Variants in MAK observed in about 807,000 individuals in gnomAD.
MAK encodes male germ cell associated kinase, also known as serine/threonine-protein kinase MAK.
In MAK, 65 loss-of-function variants were observed where a neutral mutation model predicts 82.6. That is an observed-to-expected ratio of 0.79 (90% confidence interval 0.64 to 0.97). MAK has a LOEUF of 0.97. Ranked by LOEUF, MAK falls within the 50% of genes least tolerant of loss-of-function variation. The probability of loss-of-function intolerance (pLI) is 0.00; values close to 1 mark genes in which losing one functional copy is unlikely to be tolerated. For synonymous variants in MAK, 250 were observed against 274.2 expected, an observed-to-expected ratio of 0.91 and a Z score of 0.87; for missense variants, 703 against 780.2, an observed-to-expected ratio of 0.90 and a Z score of 1.18.
intron 6 of MAK, 138 bp downstream of exon 6, chr6:10,808,672 G>C (rs1456643204): frequency 1.1e-6 from 1 of 890,138 alleles, no homozygotes; most frequent in Non-Finnish European, 1.8e-6. Flanking sequence ...CCAATCCTTC[G>C]CTTTCTTTAA....
chr6:10,810,439 A>AAGCGATTCTCCTGCG lies in MAK; in HGVS notation c.359-1498_359-1497insCGCAGGAGAATCGCT, dbSNP rs1371021106. 5.4e-5 allele frequency among the ~76,000 whole-genome samples: 8 copies of AAGCGATTCTCCTGCG among 147,884 alleles called. No homozygotes were observed. In the East Asian group the frequency reaches 1.6e-3, roughly 30 times the overall value. On this transcript the variant is annotated intron_variant, in intron 5 of 14. Coordinates refer to ENST00000354489, the MANE Select transcript of MAK (RefSeq NM_001242957.3). ...ATTGCAACCTCCGCCTCCTGGGTTC[A>AAGCGATTCTCCTGCG]AGCGATTCTCCTGCCTCAGCCTCTG...
At chr6:10,767,853 G>A (rs960887235) in intron 14 of MAK, among the ~76,000 whole-genome samples, 8 of 151,500 alleles carry the variant, frequency 5.3e-5, no homozygotes, top group Non-Finnish European at 1.2e-4. Context: ...GAGCAAAGAC[G>A]AGACTATGCA....
chr6:10,766,882 A>G (rs1772488575), intron 14 of MAK, among the ~76,000 whole-genome samples: 1 of 148,234 alleles, frequency 6.7e-6, no homozygotes, highest in African/African-American at 2.7e-5. Context: ...AATTGTGTCC[A>G]GGACAATATT....
At chr6:10,789,868 C>T (rs1202149125) in intron 10 of MAK, among the ~76,000 whole-genome samples, 5 of 152,138 alleles carry the variant, frequency 3.3e-5, no homozygotes, top group Non-Finnish European at 5.9e-5. Flanking sequence ...GTTGGCCAGG[C>T]TGGTCTCAAT....
At chr6:10,780,885 T>C (rs953092660) in intron 11 of MAK, among the ~76,000 whole-genome samples, 1 of 151,998 alleles carries the variant, frequency 6.6e-6, no homozygotes, top group Non-Finnish European at 1.5e-5. Flanking sequence ...TTTTTCTTTT[T>C]CTCTCTCTCT....
Position 10,784,563 on chromosome 6 carries a change from C to T in MAK, c.1326G>A (p.Glu442=). 1 of 1,613,982 alleles carries T rather than the reference C, an allele frequency of 6.2e-7. No individual in the cohort carries two copies. Among genetic ancestry groups the T allele is most frequent in the Non-Finnish European group, 8.5e-7 (1 of 1,180,008 alleles). Residue 442 remains glutamate (E), a synonymous_variant, in exon 11 of 15, where the codon GAG becomes GAA. Coordinates refer to ENST00000354489, the MANE Select transcript of MAK (RefSeq NM_001242957.3). ...RKKDSPFRLP[E]PVPSGSNHST... is the part of the protein sequence containing the mutation. ...AGTGGTTGGAGCCTGAGGGTACTGG[C>T]TCTGGAAGCCTTGAAAGCCAATGAA...
chr6:10,823,198 A>G (rs891463711), intron 2 of MAK, among the ~76,000 whole-genome samples: 28 of 152,354 alleles, frequency 1.8e-4, no homozygotes, highest in African/African-American at 6.5e-4. Flanking sequence ...TCCCAAAAGC[A>G]GAGGGCCAGC....
At chr6:10,783,899 G>A (rs1330552604) in intron 11 of MAK, among the ~76,000 whole-genome samples, 1 of 151,990 alleles carries the variant, frequency 6.6e-6, no homozygotes, top group African/African-American at 2.4e-5. Context: ...CGCACCTGTA[G>A]TCCCAGCTAC....
chr6:10,795,750 A>C (rs1235197279), intron 9 of MAK, among the ~76,000 whole-genome samples: 1 of 152,238 alleles, frequency 6.6e-6, no homozygotes, highest in East Asian at 1.9e-4. Context: ...GTCTCAAAAA[A>C]AGAAAAAGAA....
intron 6 of MAK, among the ~76,000 whole-genome samples, chr6:10,808,089 T>C (rs1203560150): frequency 1.3e-5 from 2 of 151,898 alleles, no homozygotes; most frequent in African/African-American, 4.8e-5. Flanking sequence ...AAAGACATGC[T>C]ATCAGCACCC....
At chr6:10,807,471 T>C (rs1776578744) in intron 6 of MAK, among the ~76,000 whole-genome samples, 1 of 150,372 alleles carries the variant, frequency 6.7e-6, no homozygotes, top group Non-Finnish European at 1.5e-5. Context: ...GCCTCCCAAG[T>C]AACTGGCACC....
intron 1 of MAK, among the ~76,000 whole-genome samples, chr6:10,835,475 G>C (rs1779095717): frequency 6.6e-6 from 1 of 152,174 alleles, no homozygotes; most frequent in Non-Finnish European, 1.5e-5. Flanking sequence ...GGCCAGGCTG[G>C]TCTTGAACTC....
chr6:10,832,498 C>T (rs1050944125), intron 1 of MAK, among the ~76,000 whole-genome samples: 1 of 152,236 alleles, frequency 6.6e-6, no homozygotes, highest in Non-Finnish European at 1.5e-5. Flanking sequence ...GCAGCCACCA[C>T]CCTGATCGGT....
intron 5 of MAK, among the ~76,000 whole-genome samples, chr6:10,813,332 T>A (rs1403602981): frequency 6.9e-6 from 1 of 145,810 alleles, no homozygotes; most frequent in East Asian, 2.0e-4. Flanking sequence ...TATTTTTTTT[T>A]AACAGAGACA....
At chr6:10,806,459 G>A (rs1332307454) in intron 6 of MAK, among the ~76,000 whole-genome samples, 1 of 150,228 alleles carries the variant, frequency 6.7e-6, no homozygotes, top group Admixed American at 6.6e-5. Context: ...CTCCCAAGTA[G>A]CTGGGACTAG....
At position 10,800,301 on chromosome 6, in the gene MAK, TC is replaced by T. The variant is rs1775916946; in HGVS notation, c.831+1590del. Among the ~76,000 whole-genome samples the T allele has an allele frequency of 6.6e-6, 1 of 152,060 alleles. No individual in the cohort carries two copies. Among genetic ancestry groups the T allele is most frequent in the Non-Finnish European group, 1.5e-5 (1 of 67,998 alleles). The stretch of plus-strand genomic sequence containing the variant: ...ATACACATACACATTTCAGTATTTT[TC>T]TTGTGTTTCTGTAGGAGTATTATAT... On this transcript the variant is annotated intron_variant, in intron 8 of 14. Transcript: ENST00000354489. The surrounding 1 kb of genome is among the most constrained non-coding windows in gnomAD (Gnocchi z 4.2).
At position 10,808,997 on chromosome 6, in the gene MAK, CTTTA is replaced by C. The variant is rs1391563173; in HGVS notation, c.359-59_359-56del. 4 of 1,439,768 alleles carry C rather than the reference CTTTA, an allele frequency of 2.8e-6. No homozygotes were observed. In the African/African-American group the frequency reaches 5.6e-5, roughly 20 times the overall value. 89.2% of individuals were successfully genotyped at this position (1,439,768 alleles called of 1,614,324 possible). A position where few individuals can be genotyped will look rare whatever the true frequency, so the allele number is the denominator to read the frequency against. On this transcript the variant is annotated intron_variant, in intron 5 of 14. Coordinates refer to ENST00000354489, the MANE Select transcript of MAK (RefSeq NM_001242957.3). ...AGTAAATCATTACGTTTAAACATAGCTTTATTTGATTTATAAACAAAATATAAAT... is the reference window on the plus strand; with the variant it reads ...AGTAAATCATTACGTTTAAACATAGCTTTGATTTATAAACAAAATATAAAT...
At chr6:10,772,542 A>T (rs1773104816) in intron 13 of MAK, among the ~76,000 whole-genome samples, 1 of 151,944 alleles carries the variant, frequency 6.6e-6, no homozygotes, top group African/African-American at 2.4e-5. Context: ...CACGGGTTTC[A>T]TCATGTTGGC....
chr6:10,806,339 T>TTGTTTTTGTTTTC (rs1776451218), intron 6 of MAK, among the ~76,000 whole-genome samples: 1 of 151,060 alleles, frequency 6.6e-6, no homozygotes, highest in Non-Finnish European at 1.5e-5. Flanking sequence ...CTAATTTTTT[T>TTGTTTTTGTTTTC]TGTTTTTGAG....
Sources: allele counts gnomAD v4.1 joint callset (sites outside exome capture counted in the v4.1 genomes callset), GRCh38; gene constraint gnomAD v4.1.1; non-coding constraint Gnocchi (gnomAD v3.1); transcripts MANE v1.5; gene names NCBI Gene and HGNC (gene_info 2026-07-23, HGNC 2026-07-21).